The following EIF4E3 variants were observed in gnomAD, a reference collection of about 807,000 sequenced individuals.
EIF4E3 encodes the protein eukaryotic translation initiation factor 4E family member 3.
A neutral mutation model predicts 31.7 loss-of-function variants in EIF4E3; 26 were observed. That is an observed-to-expected ratio of 0.82 (90% CI 0.60 to 1.14). The LOEUF is 1.14. EIF4E3 is among the 50% of genes most tolerant of loss of function. EIF4E3 has a pLI of 0.00. For missense variants in EIF4E3, 304 were observed against 270.9 expected (o/e 1.12, Z -0.86); for synonymous variants, 128 against 107.7 (o/e 1.19, Z -1.17).
the EIF4E3 span, among the ~76,000 whole-genome samples, chr3:71,669,250 G>T: frequency 3.3e-5 from 5 of 151,502 alleles, no homozygotes; most frequent in African/African-American, 1.2e-4. Flanking sequence ...GGGGCCTGTT[G>T]GGGGGTGGGG....
chr3:71,696,206 T>C (rs2049133361), intron 4 of EIF4E3, among the ~76,000 whole-genome samples: 1 of 152,226 alleles, frequency 6.6e-6, no homozygotes, highest in Admixed American at 6.5e-5. Context: ...TCTGTGAAGT[T>C]CACAGGCATT....
intron 2 of EIF4E3, among the ~76,000 whole-genome samples, chr3:71,703,225 G>A (rs963631385): frequency 5.3e-5 from 8 of 152,210 alleles, no homozygotes; most frequent in Non-Finnish European, 1.0e-4. Flanking sequence ...ACGGGTCCTT[G>A]GGGAACTTAG....
intron 1 of EIF4E3, among the ~76,000 whole-genome samples, chr3:71,746,272 G>A (rs1270282755): frequency 1.3e-5 from 2 of 152,128 alleles, no homozygotes; most frequent in Non-Finnish European, 2.9e-5. Flanking sequence ...AGATTTTGTA[G>A]GAGTAAATTA....
intron 1 of EIF4E3, among the ~76,000 whole-genome samples, chr3:71,740,132 ATAAT>A (rs1474759319): frequency 6.6e-6 from 1 of 151,974 alleles, no homozygotes; most frequent in Admixed American, 6.5e-5. Flanking sequence ...GAAATTATAA[ATAAT>A]ATTTAATTAA....
intron 2 of EIF4E3, among the ~76,000 whole-genome samples, chr3:71,708,561 T>C (rs183916485): frequency 1.4e-3 from 208 of 152,206 alleles, no homozygotes; most frequent in African/African-American, 4.3e-3. Flanking sequence ...TCAGGGGCTC[T>C]ACCAAATACC....
rs960136890 is a variant in EIF4E3 at position 71,680,081 on chromosome 3, TA to T, written c.*4600del. On this transcript the variant is annotated 3_prime_UTR_variant, in exon 7 of 7. Coordinates refer to ENST00000425534, the MANE Select transcript of EIF4E3 (RefSeq NM_001134651.2). The stretch of plus-strand genomic sequence containing the variant: ...CCCATGACTGCTGTGGTCCCAGCCA[TA>T]AAGTTCTTATTCACGAGCATCATCT... The T allele has an allele frequency of 3.3e-5, 5 of 152,312 alleles. No homozygotes were observed. The highest frequency in any genetic ancestry group is 1.2e-4 in the African/African-American group (5 of 41,576). 9.4% of individuals were successfully genotyped at this position (152,312 alleles called of 1,614,324 possible).
intron 1 of EIF4E3, among the ~76,000 whole-genome samples, chr3:71,732,603 T>C (rs72953218): frequency 6.6e-6 from 1 of 152,356 alleles, no homozygotes; most frequent in South Asian, 2.1e-4. Flanking sequence ...ATAAACACTC[T>C]GCCAATCACT....
At chr3:71,701,707 G>C (rs764447164) in intron 2 of EIF4E3, among the ~76,000 whole-genome samples, 2 of 152,140 alleles carry the variant, frequency 1.3e-5, no homozygotes, top group Non-Finnish European at 1.5e-5. Flanking sequence ...ATCCTGCTGG[G>C]TTGTTCAAGC....
intron 1 of EIF4E3, among the ~76,000 whole-genome samples, chr3:71,737,805 CAACA>C (rs2049778794): frequency 6.6e-6 from 1 of 152,094 alleles, no homozygotes; most frequent in Middle Eastern, 3.4e-3. Flanking sequence ...AAAACAACAA[CAACA>C]GAGATTTTTT....
Position 71,690,118 on chromosome 3 carries a change from C to G in EIF4E3, c.520G>C (p.Val174Leu). ...VSVSVRDREDVVQVWNVNASL... is the reference protein window; with the variant it reads ...VSVSVRDREDLVQVWNVNASL... ...GCATTTACATTCCAGACTTGGACGA[C>G]GTCTTCTCGGTCCCGAACACTGACA... The change falls in exon 6 of 7, where the codon GTC (valine) becomes CTC (leucine). Residue 174 changes from valine to leucine, a missense_variant. Coordinates refer to ENST00000425534, the MANE Select transcript of EIF4E3 (RefSeq NM_001134651.2). 1 of 1,613,558 alleles carries G rather than the reference C, an allele frequency of 6.2e-7. No individual in the cohort carries two copies. Among genetic ancestry groups the G allele is most frequent in the Middle Eastern group, 1.7e-4 (1 of 6,058 alleles).
At chr3:71,749,369 A>C (rs1261176434) in intron 1 of EIF4E3, among the ~76,000 whole-genome samples, 5 of 152,218 alleles carry the variant, frequency 3.3e-5, no homozygotes. Context: ...ACTTCGTCCC[A>C]TGGGGAGGTC....
Position 71,725,353 on chromosome 3 carries a change from C to A in EIF4E3, c.15G>T (p.Pro5=), listed in dbSNP as rs896894106. MALP[P]AAAPPAGARE... ...GGGCCCCGGCGGGGGGCGCGGCGGCCGGGGGCAGCGCCATTTTCTCCGCCC... is the reference window on the plus strand; with the variant it reads ...GGGCCCCGGCGGGGGGCGCGGCGGCAGGGGGCAGCGCCATTTTCTCCGCCC... The change falls in exon 1 of 7, where the codon CCG becomes CCT. Residue 5 remains proline (P), a synonymous_variant. Transcript: ENST00000425534. This position sits in a 1 kb window ranked among gnomAD's most constrained non-coding sequence, Gnocchi z 6.1. The A allele has an allele frequency of 5.1e-6, 5 of 976,632 alleles. No individual in the cohort carries two copies. The highest frequency in any genetic ancestry group is 6.1e-6 in the Non-Finnish European group (5 of 824,838). The allele number at this position is 976,632 out of a possible 1,614,324, so 60.5% of individuals were successfully genotyped here.
At chr3:71,747,309 G>T (rs759474427) in intron 1 of EIF4E3, among the ~76,000 whole-genome samples, 1 of 152,122 alleles carries the variant, frequency 6.6e-6, no homozygotes, top group East Asian at 1.9e-4. Context: ...CTACATTTTT[G>T]ATAATAGCCA....
intron 2 of EIF4E3, among the ~76,000 whole-genome samples, chr3:71,708,659 A>T (rs1207668092): frequency 6.6e-6 from 1 of 151,928 alleles, no homozygotes; most frequent in East Asian, 1.9e-4. Flanking sequence ...AACCCTGATG[A>T]TCTAATGTCA....
At chr3:71,720,899 T>C (rs918107205) in intron 1 of EIF4E3, among the ~76,000 whole-genome samples, 3 of 152,054 alleles carry the variant, frequency 2.0e-5, no homozygotes, top group African/African-American at 7.2e-5. Context: ...GAATTAACAG[T>C]ATGAAATATA....
chr3:71,696,345 G>T, intron 4 of EIF4E3, 115 bp downstream of exon 4: 1 of 1,075,462 alleles, frequency 9.3e-7, no homozygotes, highest in Non-Finnish European at 1.4e-6. Context: ...CTCACCCCCA[G>T]CCTGTTTGGG....
intron 3 of EIF4E3, among the ~76,000 whole-genome samples, chr3:71,698,944 G>C (rs1389766196): frequency 1.3e-5 from 2 of 152,180 alleles, no homozygotes; most frequent in Non-Finnish European, 2.9e-5. Flanking sequence ...CTGGTGGCTG[G>C]GCCTGGTGGC....
intron 5 of EIF4E3, among the ~76,000 whole-genome samples, chr3:71,692,660 C>T (rs189462173): frequency 6.0e-5 from 9 of 150,984 alleles, no homozygotes; most frequent in African/African-American, 2.2e-4. Context: ...CAATAGCGAT[C>T]ATAGCTCATT....
chr3:71,711,753 A>C (rs1396003467), intron 1 of EIF4E3, among the ~76,000 whole-genome samples: 4 of 152,128 alleles, frequency 2.6e-5, no homozygotes, highest in Non-Finnish European at 1.5e-5. Flanking sequence ...GAGGCAGGTA[A>C]ATCACTTGAG....
Sources: allele counts gnomAD v4.1 joint callset (sites outside exome capture counted in the v4.1 genomes callset), GRCh38; gene constraint gnomAD v4.1.1; non-coding constraint Gnocchi (gnomAD v3.1); transcripts MANE v1.5; gene names NCBI Gene and HGNC (gene_info 2026-07-23, HGNC 2026-07-21).